KCNK9: variants seen among roughly 807,000 people sequenced by gnomAD.
The protein encoded by KCNK9 is potassium two pore domain channel subfamily K member 9.
In KCNK9, 1 loss-of-function variant was observed where a neutral mutation model predicts 10.8. That is an observed-to-expected ratio of 0.09 (90% confidence interval 0.03 to 0.44). KCNK9 has a LOEUF of 0.44. Among genes scored for constraint, KCNK9 ranks in the 20% least tolerant of loss-of-function variants. The probability of loss-of-function intolerance (pLI) is 0.97; values close to 1 mark genes in which losing one functional copy is unlikely to be tolerated. For synonymous variants in KCNK9, 231 were observed against 222.7 expected (o/e 1.04, Z -0.33); for missense variants, 303 against 515.0 (o/e 0.59, Z 3.98).
downstream of KCNK9, among the ~76,000 whole-genome samples, chr8:139,615,101 G>A (rs953891917): frequency 1.3e-5 from 2 of 152,218 alleles, no homozygotes; most frequent in African/African-American, 4.8e-5. Context: ...CAAGAGGGAG[G>A]AAGAGAGACC....
intron 1 of KCNK9, among the ~76,000 whole-genome samples, chr8:139,679,019 G>C (rs1816624046): frequency 6.6e-6 from 1 of 152,196 alleles, no homozygotes; most frequent in South Asian, 2.1e-4. Context: ...TGGGGAGTTA[G>C]GGTTTGCTTT....
chr8:139,618,442 G>A lies in KCNK9; in HGVS notation c.941C>T (p.Pro314Leu), dbSNP rs372850659. 7 of 1,614,098 alleles carry A rather than the reference G, an allele frequency of 4.3e-6. No individual in the cohort carries two copies. Among genetic ancestry groups the A allele is most frequent in the Admixed American group, 3.3e-5 (2 of 60,032 alleles). Residue 314 changes from proline (P) to leucine (L), a missense_variant, in exon 2 of 2, where the codon CCG (proline) becomes CTG (leucine). By Grantham distance (98) the Pro-to-Leu change is moderately conservative (BLOSUM62 -3). Transcript: ENST00000520439. The surrounding 1 kb of genome is among the most constrained non-coding windows in gnomAD (Gnocchi z 7.9). Reference sequence around the variant, plus strand: ...AAGCTTGGCGCTGAAGGAGTTCTGCGGTGCCACCGAGCGGCCGCCATAGTC... The same window carrying A: ...AAGCTTGGCGCTGAAGGAGTTCTGCAGTGCCACCGAGCGGCCGCCATAGTC... ...SQDYGGRSVA[P>L]QNSFSAKLAP...
chr8:139,603,609 C>T (rs1295469616), intron 2 of KCNK9, among the ~76,000 whole-genome samples: 8 of 152,208 alleles, frequency 5.3e-5, no homozygotes, highest in South Asian at 2.1e-4. Flanking sequence ...ACAGGGTATA[C>T]GGCCAGGACT....
At chr8:139,680,276 G>T (rs1425341179) in intron 1 of KCNK9, among the ~76,000 whole-genome samples, 2 of 152,168 alleles carry the variant, frequency 1.3e-5, no homozygotes, top group Non-Finnish European at 2.9e-5. Flanking sequence ...GGGCAGGCGG[G>T]GCCCAGCTTC....
intron 1 of KCNK9, among the ~76,000 whole-genome samples, chr8:139,686,752 C>T (rs1486453736): frequency 6.6e-6 from 1 of 152,138 alleles, no homozygotes; most frequent in Non-Finnish European, 1.5e-5. Flanking sequence ...ATTTTGCTGA[C>T]AAAAGTGTGT....
chr8:139,615,491 G>A (rs1323222726), downstream of KCNK9, among the ~76,000 whole-genome samples: 1 of 152,118 alleles, frequency 6.6e-6, no homozygotes, highest in Admixed American at 6.5e-5. Flanking sequence ...TCCTTGGCCA[G>A]AGACCACAGC....
At position 139,644,723 on chromosome 8, in the gene KCNK9, C is replaced by T. The variant is rs373322663; in HGVS notation, c.284-25624G>A. ...GGGGTGCTCCTGCCCTGTCCCCCCC[C>T]CCCAGAGCCTCCCACTGCCCTCTGG... On this transcript the variant is annotated intron_variant, in intron 1 of 1. Coordinates refer to ENST00000520439, the MANE Select transcript of KCNK9 (RefSeq NM_001282534.2). 1.1e-3 allele frequency among the ~76,000 whole-genome samples: 171 copies of T among 150,368 alleles called. 4 individuals are homozygous for T. Among genetic ancestry groups the T allele is most frequent in the African/African-American group, 3.9e-3 (160 of 41,102 alleles).
intron 1 of KCNK9, among the ~76,000 whole-genome samples, chr8:139,654,024 G>C (rs1815945296): frequency 6.6e-6 from 1 of 152,240 alleles, no homozygotes; most frequent in African/African-American, 2.4e-5. Flanking sequence ...CACACAAGTG[G>C]GTGTTCGGCC....
chr8:139,610,631 A>G (rs1335849385), downstream of KCNK9, among the ~76,000 whole-genome samples: 2 of 152,208 alleles, frequency 1.3e-5, no homozygotes, highest in African/African-American at 4.8e-5. Flanking sequence ...AAGTTTGGTG[A>G]GACTCCAGGA....
downstream of KCNK9, among the ~76,000 whole-genome samples, chr8:139,609,843 A>G (rs1365252177): frequency 2.6e-5 from 4 of 152,156 alleles, no homozygotes; most frequent in Admixed American, 6.5e-5. Flanking sequence ...AGTCCTCCCC[A>G]CACTGGCGTC....
At chr8:139,625,846 A>G (rs1814955936) in intron 1 of KCNK9, among the ~76,000 whole-genome samples, 1 of 152,200 alleles carries the variant, frequency 6.6e-6, no homozygotes. Flanking sequence ...AGCTGTGGCT[A>G]GAAGGCAGCA....
rs1814683010 is a variant in KCNK9, at chr8:139,618,816, G to A, written c.567C>T (p.Ala189=). 6.2e-7 allele frequency: 1 copy of A among 1,614,096 alleles called. No individual in the cohort carries two copies. The highest frequency in any genetic ancestry group is 1.1e-5 in the South Asian group (1 of 91,082). ...TCAACGTGATGAAGCAGTAGTAGTAGGCGTGGAAGAAGCTCCACTCCTCAC... is the reference window on the plus strand; with the variant it reads ...TCAACGTGATGAAGCAGTAGTAGTAAGCGTGGAAGAAGCTCCACTCCTCAC... ...SQCEEWSFFH[A]YYYCFITLTT... The change falls in exon 2 of 2, where the codon GCC becomes GCT. Residue 189 remains alanine (A), a synonymous_variant. Coordinates refer to ENST00000520439, the MANE Select transcript of KCNK9 (RefSeq NM_001282534.2). This position sits in a 1 kb window ranked among gnomAD's most constrained non-coding sequence, Gnocchi z 7.9.
At chr8:139,666,282 G>A (rs1816297891) in intron 1 of KCNK9, among the ~76,000 whole-genome samples, 1 of 152,196 alleles carries the variant, frequency 6.6e-6, no homozygotes, top group Non-Finnish European at 1.5e-5. Flanking sequence ...CTGTAGAATG[G>A]AAGTCATCCT....
intron 1 of KCNK9, among the ~76,000 whole-genome samples, chr8:139,694,235 G>C (rs1266348139): frequency 6.6e-6 from 1 of 152,172 alleles, no homozygotes; most frequent in Non-Finnish European, 1.5e-5. Flanking sequence ...AGCACAACCA[G>C]ACCCAGGTGA....
intron 1 of KCNK9, among the ~76,000 whole-genome samples, chr8:139,677,340 G>A (rs1586684875): frequency 6.6e-5 from 10 of 152,050 alleles, no homozygotes; most frequent in Admixed American, 6.5e-4. Flanking sequence ...GGACAATGCT[G>A]GACTTCTGTT....
At chr8:139,611,209 G>A (rs1380552702), downstream of KCNK9, 1 of 152,274 alleles carries the variant, frequency 6.6e-6, no homozygotes, top group East Asian at 1.9e-4. Flanking sequence ...TTGGCACAGA[G>A]CAGGTGCCAT....
chr8:139,646,971 C>G (rs898542847), intron 1 of KCNK9, among the ~76,000 whole-genome samples: 21 of 152,250 alleles, frequency 1.4e-4, no homozygotes, highest in Admixed American at 1.3e-3. Flanking sequence ...AGCCCAAACT[C>G]GTGCACAAGG....
downstream of KCNK9, among the ~76,000 whole-genome samples, chr8:139,610,045 A>C (rs534227515): frequency 9.2e-5 from 14 of 152,198 alleles, no homozygotes; most frequent in South Asian, 2.9e-3. Flanking sequence ...TTTCCTGTAC[A>C]TCATCCCACC....
intron 1 of KCNK9, among the ~76,000 whole-genome samples, chr8:139,622,462 G>T (rs1433441507): frequency 2.0e-5 from 3 of 152,166 alleles, no homozygotes; most frequent in African/African-American, 7.2e-5. Context: ...GACAGCCCCA[G>T]TAGATCAGAG....
Sources: allele counts gnomAD v4.1 joint callset (sites outside exome capture counted in the v4.1 genomes callset), GRCh38; gene constraint gnomAD v4.1.1; non-coding constraint Gnocchi (gnomAD v3.1); transcripts MANE v1.5; gene names NCBI Gene and HGNC (gene_info 2026-07-23, HGNC 2026-07-21).